PPP2R1B: variants seen among roughly 807,000 people sequenced by gnomAD.
PPP2R1B encodes the protein protein phosphatase 2 scaffold subunit Abeta, also known as serine/threonine-protein phosphatase 2A 65 kDa regulatory subunit A beta isoform.
PPP2R1B carries 58 observed loss-of-function variants against 72.7 expected under a neutral mutation model. The ratio of observed to expected loss-of-function variants is 0.80; its 90% CI spans 0.65 to 0.99. The LOEUF is 0.99. PPP2R1B is among the 50% of genes least tolerant of loss of function. The probability of loss-of-function intolerance (pLI) is 0.00; values close to 1 mark genes in which losing one functional copy is unlikely to be tolerated. For missense variants in PPP2R1B, 695 were observed against 733.6 expected, an observed-to-expected ratio of 0.95 and a Z score of 0.61; for synonymous variants, 256 against 264.6, an observed-to-expected ratio of 0.97 and a Z score of 0.32.
At chr11:111,726,829 C>T (rs1302935904), downstream of PPP2R1B, 2 of 739,232 alleles carry the variant, frequency 2.7e-6, no homozygotes, top group African/African-American at 3.5e-5. Flanking sequence ...GTATCATCAT[C>T]AGCTTCATCA....
the PPP2R1B span, among the ~76,000 whole-genome samples, chr11:111,704,638 T>A: frequency 6.6e-6 from 1 of 152,186 alleles, no homozygotes; most frequent in African/African-American, 2.4e-5. Flanking sequence ...CTAACTGACC[T>A]TACACCACCG....
At chr11:111,705,524 TAAGAC>T in the PPP2R1B span, among the ~76,000 whole-genome samples, 3 of 151,990 alleles carry the variant, frequency 2.0e-5, no homozygotes, top group African/African-American at 4.8e-5. The surrounding 1 kb of genome is among the most constrained non-coding windows in gnomAD (Gnocchi z 4.3). Flanking sequence ...AAAAATGAAA[TAAGAC>T]AAGATCATAA....
At chr11:111,763,607 A>C (rs1335266826) in intron 3 of PPP2R1B, among the ~76,000 whole-genome samples, 1 of 152,194 alleles carries the variant, frequency 6.6e-6, no homozygotes, top group Non-Finnish European at 1.5e-5. Flanking sequence ...CGTAGACTCT[A>C]TAGGAATTAC....
chr11:111,689,168 G>A, the PPP2R1B span, among the ~76,000 whole-genome samples: 1 of 152,174 alleles, frequency 6.6e-6, no homozygotes, highest in Non-Finnish European at 1.5e-5. Context: ...CTGTAGGCAT[G>A]CAGGATTGAT....
At chr11:111,696,306 C>G in the PPP2R1B span, among the ~76,000 whole-genome samples, 1 of 152,062 alleles carries the variant, frequency 6.6e-6, no homozygotes, top group African/African-American at 2.4e-5. Context: ...AGTAGTGAAT[C>G]AGTGTTTTGA....
At position 111,738,263 on chromosome 11, in the gene PPP2R1B, A is replaced by C; in HGVS notation, c.*3333T>G. ...TATCCAAGCAGTGGAGAAAAATAAG[A>C]AGCTTTACGATAAGAGTGTCACCAT... On this transcript the variant is annotated 3_prime_UTR_variant, in exon 15 of 15. Transcript: ENST00000527614. The C allele has an allele frequency of 1.0e-6, 1 of 985,468 alleles. No individual in the cohort carries two copies. Among genetic ancestry groups the C allele is most frequent in the South Asian group, 4.7e-5 (1 of 21,280 alleles). The allele number at this position is 985,468 out of a possible 1,614,324, so 61.0% of individuals were successfully genotyped here.
chr11:111,698,146 A>G, the PPP2R1B span, among the ~76,000 whole-genome samples: 1 of 152,224 alleles, frequency 6.6e-6, no homozygotes, highest in Non-Finnish European at 1.5e-5. Flanking sequence ...AAGTTTCTAT[A>G]TTCATATTAC....
the PPP2R1B span, among the ~76,000 whole-genome samples, chr11:111,707,667 A>G: frequency 6.6e-6 from 1 of 152,210 alleles, no homozygotes; most frequent in Non-Finnish European, 1.5e-5. Flanking sequence ...ATGGATATAA[A>G]TGTGCCTAAA....
the PPP2R1B span, among the ~76,000 whole-genome samples, chr11:111,707,094 C>T: frequency 6.6e-6 from 1 of 151,884 alleles, no homozygotes; most frequent in Non-Finnish European, 1.5e-5. Flanking sequence ...CTTTCAAGAC[C>T]GAGAAAGAAG....
At chr11:111,723,352 ATTGGTT>A, downstream of PPP2R1B, 1 of 834,206 alleles carries the variant, frequency 1.2e-6, no homozygotes, top group South Asian at 1.8e-5. Flanking sequence ...ACCCAACACA[ATTGGTT>A]CCCATTCCCA....
chr11:111,718,206 TATTC>T, the PPP2R1B span, among the ~76,000 whole-genome samples: 1 of 152,270 alleles, frequency 6.6e-6, no homozygotes, highest in Non-Finnish European at 1.5e-5. Context: ...TCTGTTGGCT[TATTC>T]ATTTCTAAAC....
chr11:111,725,083 A>G (rs1229337961), downstream of PPP2R1B: 1 of 152,656 alleles, frequency 6.6e-6, no homozygotes, highest in African/African-American at 2.4e-5. Context: ...TGAGCTTTGT[A>G]TATTTGGACA....
intron 14 of PPP2R1B, 124 bp from the exon 15 acceptor site, chr11:111,741,736 G>C (rs1239423877): frequency 1.8e-6 from 2 of 1,112,086 alleles, no homozygotes; most frequent in Non-Finnish European, 2.6e-6. Context: ...TGTGGTTACT[G>C]TCTTTACTCA....
chr11:111,766,187 C>G, intron 1 of PPP2R1B, 61 bp downstream of exon 1: 2 of 1,551,288 alleles, frequency 1.3e-6, no homozygotes, highest in Non-Finnish European at 1.8e-6. Flanking sequence ...CGCAGGCCTT[C>G]CCCCTTCTCT....
the PPP2R1B span, chr11:111,712,198 GCC>G: frequency 6.2e-7 from 1 of 1,612,732 alleles, no homozygotes; most frequent in Non-Finnish European, 8.5e-7. Flanking sequence ...GTCTGTTCTT[GCC>G]ATATTTACAG....
At chr11:111,690,037 A>G in the PPP2R1B span, among the ~76,000 whole-genome samples, 5 of 151,996 alleles carry the variant, frequency 3.3e-5, no homozygotes, top group South Asian at 4.2e-4. Context: ...ATTTATATCA[A>G]TTTGTCATTT....
At chr11:111,719,528 A>G in the PPP2R1B span, among the ~76,000 whole-genome samples, 1 of 152,140 alleles carries the variant, frequency 6.6e-6, no homozygotes, top group Admixed American at 6.5e-5. Flanking sequence ...TGTAATAATG[A>G]TGACTCAGAG....
chr11:111,708,586 G>T, the PPP2R1B span, among the ~76,000 whole-genome samples: 1 of 151,640 alleles, frequency 6.6e-6, no homozygotes, highest in Non-Finnish European at 1.5e-5. Context: ...GTGGGGTTTT[G>T]GGGGAGGTTT....
chr11:111,755,193 G>T, intron 6 of PPP2R1B, 99 bp from the exon 7 acceptor site: 1 of 1,530,920 alleles, frequency 6.5e-7, no homozygotes, highest in Non-Finnish European at 8.8e-7. Flanking sequence ...TTTTGCCACA[G>T]CACTTCCCAT....
Sources: gnomAD v4.1 joint callset for allele counts (sites outside exome capture counted in the v4.1 genomes callset) on GRCh38, gnomAD v4.1.1 for gene constraint, Gnocchi (gnomAD v3.1) non-coding constraint, MANE v1.5 for transcripts, NCBI Gene and HGNC (gene_info 2026-07-23, HGNC 2026-07-21) for gene names.